TNFSF10: variants seen among roughly 807,000 people sequenced by gnomAD.
TNFSF10 encodes the protein tumor necrosis factor ligand superfamily member 10.
In TNFSF10, 13 loss-of-function variants were observed where a neutral mutation model predicts 29.5. The observed-to-expected ratio is 0.44, with a 90% confidence interval of 0.29 to 0.70. The LOEUF is 0.70. Among genes scored for constraint, TNFSF10 ranks in the 30% least tolerant of loss-of-function variants. The pLI, the probability that TNFSF10 is intolerant of heterozygous loss-of-function variation, is 0.13. For missense variants in TNFSF10, 345 were observed against 330.9 expected (o/e 1.04, Z -0.33); for synonymous variants, 111 against 112.8 (o/e 0.98, Z 0.10).
chr3:172,517,768 G>A, intron 1 of TNFSF10: 2 of 983,554 alleles, frequency 2.0e-6, no homozygotes, highest in Non-Finnish European at 2.4e-6. Flanking sequence ...AACATTCCCT[G>A]TAGAAAATTT....
intron 3 of TNFSF10, 117 bp downstream of exon 3, chr3:172,511,500 A>C: frequency 1.3e-6 from 1 of 768,866 alleles, no homozygotes; most frequent in East Asian, 2.9e-5. Context: ...GATACGGAGC[A>C]GCAGATCAGA....
intron 1 of TNFSF10, chr3:172,517,701 T>C (rs1377228399): frequency 1.0e-6 from 1 of 985,076 alleles, no homozygotes; most frequent in Non-Finnish European, 1.2e-6. Flanking sequence ...TATATAAAAA[T>C]GCTGTGTTCT....
At chr3:172,510,731 T>G (rs1713184578) in intron 3 of TNFSF10, among the ~76,000 whole-genome samples, 1 of 151,924 alleles carries the variant, frequency 6.6e-6, no homozygotes, top group African/African-American at 2.4e-5. Context: ...TTCAACATTC[T>G]CACTACTGCT....
intron 1 of TNFSF10, among the ~76,000 whole-genome samples, chr3:172,515,445 G>A (rs989723802): frequency 1.3e-5 from 2 of 152,124 alleles, no homozygotes; most frequent in African/African-American, 4.8e-5. Flanking sequence ...TTACATTTTA[G>A]GATCCTAAAT....
At position 172,508,344 on chromosome 3, in the gene TNFSF10, G is replaced by T. The variant is rs572153358; in HGVS notation, c.418+873C>A. On this transcript the variant is annotated intron_variant, in intron 4 of 4. Coordinates refer to ENST00000241261, the MANE Select transcript of TNFSF10 (RefSeq NM_003810.4). ...AAATACCCATGCACAGTATTACATAGCAACATATCGACACATGTTCTGCCT... is the reference window on the plus strand; with the variant it reads ...AAATACCCATGCACAGTATTACATATCAACATATCGACACATGTTCTGCCT... Among the ~76,000 whole-genome samples the T allele has an allele frequency of 9.5e-4, 145 of 152,012 alleles. 1 individual carries two copies. Among genetic ancestry groups the T allele is most frequent in the Middle Eastern group, 3.4e-3 (1 of 294 alleles).
rs1712996341 is a variant in TNFSF10 at position 172,506,659 on chromosome 3, T to C, written c.679A>G (p.Arg227Gly). 6.2e-7 allele frequency: 1 copy of C among 1,614,238 alleles called. No homozygotes were observed. The highest frequency in any genetic ancestry group is 1.7e-5 in the Admixed American group (1 of 60,026). ...GCATCTTTAGACCAACAACTATTTC[T>C]AGCACTTTTCATCAACAATATAGGG... ...PDPILLMKSARNSCWSKDAEY... is the reference protein window; with the variant it reads ...PDPILLMKSAGNSCWSKDAEY... Residue 227 changes from arginine (R) to glycine (G), a missense_variant, in exon 5 of 5, where the codon AGA becomes GGA. Arg to Gly is a moderately radical substitution (Grantham distance 125). Transcript: ENST00000241261.
At chr3:172,512,784 C>T (rs2108446601) in intron 2 of TNFSF10, among the ~76,000 whole-genome samples, 1 of 152,316 alleles carries the variant, frequency 6.6e-6, no homozygotes, top group South Asian at 2.1e-4. Flanking sequence ...GTCTTTCCTA[C>T]AATGTGGGAG....
Position 172,506,155 on chromosome 3 carries a change from A to C in TNFSF10, c.*337T>G. The C allele has an allele frequency of 4.5e-6, 1 of 219,974 alleles. No homozygotes were observed. 13.6% of individuals were successfully genotyped at this position (219,974 alleles called of 1,614,324 possible). A position where few individuals can be genotyped will look rare whatever the true frequency, so the allele number is the denominator to read the frequency against. ...TGTTGCTCTTTCTTCTACAGTCTTT[A>C]CAAGGAGTAGATTATAAAGACAGAA... On this transcript the variant is annotated 3_prime_UTR_variant, in exon 5 of 5. Transcript: ENST00000241261.
chr3:172,520,069 G>T (rs3136588), intron 1 of TNFSF10, among the ~76,000 whole-genome samples: 4,357 of 152,290 alleles, frequency 0.029, 88 homozygotes, highest in Non-Finnish European at 0.044. Flanking sequence ...GGTTGTGGTG[G>T]TGGGGGGAGG....
intron 1 of TNFSF10, among the ~76,000 whole-genome samples, chr3:172,520,071 G>T (rs755377848): frequency 9.2e-5 from 14 of 152,162 alleles, no homozygotes; most frequent in African/African-American, 3.4e-4. Flanking sequence ...TTGTGGTGGT[G>T]GGGGGAGGAT....
chr3:172,511,836 A>G (rs967842480), intron 2 of TNFSF10, among the ~76,000 whole-genome samples, 177 bp from the exon 3 acceptor site: 12 of 152,206 alleles, frequency 7.9e-5, no homozygotes, highest in Non-Finnish European at 1.3e-4. Context: ...GAGCTGGGAT[A>G]AATATTGAGA....
At chr3:172,509,350 A>G (rs778555490) in intron 3 of TNFSF10, 29 bp from the exon 4 acceptor site, 1 of 1,583,994 alleles carries the variant, frequency 6.3e-7, no homozygotes, top group Non-Finnish European at 8.7e-7. Context: ...AGGGTCATCA[A>G]CACTTGCCAA....
chr3:172,511,619 T>G lies in TNFSF10; in HGVS notation c.311A>C (p.Gln104Pro). Reference sequence around the variant, plus strand: ...AATAACAACAAAAAAGATACTACCTTGAACTGTAGAAATGGTTTCCTCAGA... The same window carrying G: ...AATAACAACAAAAAAGATACTACCTGGAACTGTAGAAATGGTTTCCTCAGA... ...RTSEETISTV[Q>P]EKQQNISPLV... The change falls in exon 3 of 5, where the codon CAA (glutamine) becomes CCA (proline). Residue 104 changes from glutamine (Q) to proline (P), a missense_variant and splice_region_variant. Coordinates refer to ENST00000241261, the MANE Select transcript of TNFSF10 (RefSeq NM_003810.4). 8 of 1,610,162 alleles carry G rather than the reference T, an allele frequency of 5.0e-6. No homozygotes were observed. Among genetic ancestry groups the G allele is most frequent in the African/African-American group, 1.3e-5 (1 of 74,932 alleles).
chr3:172,506,815 C>T lies in TNFSF10; in HGVS notation c.523G>A (p.Val175Ile). 1 of 1,614,140 alleles carries T rather than the reference C, an allele frequency of 6.2e-7. No homozygotes were observed. Residue 175 changes from valine to isoleucine, a missense_variant, in exon 5 of 5, where the codon GTC becomes ATC. Coordinates refer to ENST00000241261, the MANE Select transcript of TNFSF10 (RefSeq NM_003810.4). ...SNLHLRNGEL[V>I]IHEKGFYYIY... is the part of the protein sequence containing the mutation. ...TAGTAAAACCCTTTTTCATGGATGA[C>T]CAGTTCACCATTCCTCAAGTGCAAG... is the stretch of plus-strand genomic sequence containing the variant.
intron 1 of TNFSF10, chr3:172,518,184 G>T (rs1713520718): frequency 9.0e-7 from 1 of 1,107,922 alleles, no homozygotes; most frequent in African/African-American, 1.6e-5. Context: ...GGGGCAGAAG[G>T]TAGCGTGTGG....
chr3:172,522,486 C>T, intron 1 of TNFSF10: 2 of 1,102,074 alleles, frequency 1.8e-6, no homozygotes, highest in East Asian at 2.4e-5. Context: ...TTACTGTGCA[C>T]CTTTTAAAAC....
chr3:172,522,791 G>A (rs1431059395), intron 1 of TNFSF10, among the ~76,000 whole-genome samples: 3 of 152,146 alleles, frequency 2.0e-5, no homozygotes, highest in Non-Finnish European at 2.9e-5. Flanking sequence ...GAGCTAATGT[G>A]TTTTATCTGT....
intron 2 of TNFSF10, 81 bp from the exon 3 acceptor site, chr3:172,511,740 G>T: frequency 8.0e-7 from 1 of 1,243,962 alleles, no homozygotes; most frequent in East Asian, 2.5e-5. Flanking sequence ...TCATCTTGCT[G>T]ATGTCTAACA....
chr3:172,512,704 C>T (rs1393440490), intron 2 of TNFSF10, among the ~76,000 whole-genome samples: 1 of 152,170 alleles, frequency 6.6e-6, no homozygotes, highest in African/African-American at 2.4e-5. Context: ...CTTTCCCACT[C>T]TTACTCTCTT....
Sources: gnomAD v4.1 joint callset for allele counts (sites outside exome capture counted in the v4.1 genomes callset) on GRCh38, gnomAD v4.1.1 for gene constraint, MANE v1.5 for transcripts, NCBI Gene and HGNC (gene_info 2026-07-23, HGNC 2026-07-21) for gene names.